Variants in SRGAP1 observed in about 807,000 individuals in gnomAD.
The protein encoded by SRGAP1 is SLIT-ROBO Rho GTPase activating protein 1, also known as SLIT-ROBO Rho GTPase-activating protein 1.
SRGAP1 carries 43 observed loss-of-function variants against 121.9 expected under a neutral mutation model. That is an observed-to-expected ratio of 0.35 (90% CI 0.28 to 0.46). SRGAP1 has a LOEUF of 0.46. SRGAP1 is among the 20% of genes least tolerant of loss of function. The probability of loss-of-function intolerance (pLI) is 1.00; values close to 1 mark genes in which losing one functional copy is unlikely to be tolerated. For missense variants in SRGAP1, 1,102 were observed against 1,350.9 expected, an observed-to-expected ratio of 0.82 and a Z score of 2.89; for synonymous variants, 447 against 485.4, an observed-to-expected ratio of 0.92 and a Z score of 1.04.
At chr12:63,968,766 C>T (rs1033029114) in intron 1 of SRGAP1, among the ~76,000 whole-genome samples, 6 of 152,194 alleles carry the variant, frequency 3.9e-5, no homozygotes, top group Non-Finnish European at 5.9e-5. Flanking sequence ...ATGTATTCAT[C>T]CTGTGCTGTG....
chr12:63,920,459 C>A (rs576326077), intron 1 of SRGAP1, among the ~76,000 whole-genome samples: 1 of 152,194 alleles, frequency 6.6e-6, no homozygotes, highest in East Asian at 1.9e-4. Context: ...GGCTAGTTCT[C>A]CTAGAACCTG....
chr12:63,922,533 T>C (rs930640457), intron 1 of SRGAP1, among the ~76,000 whole-genome samples: 1 of 152,222 alleles, frequency 6.6e-6, no homozygotes, highest in African/African-American at 2.4e-5. Context: ...AAAGTCTTAG[T>C]TCTTTACCAT....
intron 1 of SRGAP1, among the ~76,000 whole-genome samples, chr12:63,948,566 T>C (rs1278570633): frequency 2.0e-5 from 3 of 152,066 alleles, no homozygotes; most frequent in Non-Finnish European, 4.4e-5. Flanking sequence ...CACTTAATGT[T>C]ATTTTTTCTG....
chr12:63,976,842 T>C (rs1266943409), intron 1 of SRGAP1, among the ~76,000 whole-genome samples: 1 of 152,032 alleles, frequency 6.6e-6, no homozygotes, highest in Non-Finnish European at 1.5e-5. Flanking sequence ...CCTAACCTAG[T>C]CTGGGTCCTT....
At chr12:64,109,326 A>G (rs1230778198) in intron 16 of SRGAP1, among the ~76,000 whole-genome samples, 2 of 152,144 alleles carry the variant, frequency 1.3e-5, no homozygotes, top group Non-Finnish European at 2.9e-5. Context: ...AGTGTTTTTC[A>G]GACTTTCATC....
chr12:63,859,534 C>T (rs1283338035), intron 1 of SRGAP1, among the ~76,000 whole-genome samples: 3 of 152,104 alleles, frequency 2.0e-5, no homozygotes, highest in East Asian at 1.9e-4. Context: ...TTACTATCAT[C>T]GTTTTCATTT....
chr12:63,970,801 C>G (rs2032924484), intron 1 of SRGAP1, among the ~76,000 whole-genome samples: 1 of 152,098 alleles, frequency 6.6e-6, no homozygotes, highest in African/African-American at 2.4e-5. Context: ...CAGGAAATGT[C>G]ATTTCCTGAT....
intron 1 of SRGAP1, among the ~76,000 whole-genome samples, chr12:63,910,959 C>T (rs2030464126): frequency 6.6e-6 from 1 of 151,980 alleles, no homozygotes; most frequent in Non-Finnish European, 1.5e-5. Context: ...AAGGAATAGT[C>T]TCAGAAACAA....
chr12:64,147,923 G>A lies in SRGAP1; in HGVS notation c.*5251G>A. On this transcript the variant is annotated 3_prime_UTR_variant, in exon 22 of 22. Transcript: ENST00000355086. ...ATCACTACTTTCTCCTTGACAGCTA[G>A]CTTGCATTAAATAATGTGAAACTTT... The A allele has an allele frequency of 2.7e-6, 1 of 367,526 alleles. No homozygotes were observed. 22.8% of individuals were successfully genotyped at this position (367,526 alleles called of 1,614,324 possible). A position where few individuals can be genotyped will look rare whatever the true frequency, so the allele number is the denominator to read the frequency against.
chr12:64,139,191 T>C (rs2036917152), intron 21 of SRGAP1, among the ~76,000 whole-genome samples: 1 of 152,190 alleles, frequency 6.6e-6, no homozygotes, highest in Admixed American at 6.5e-5. Context: ...GCAGCCTTGT[T>C]ATTGTGACAT....
At chr12:64,069,552 T>C (rs923513583) in intron 8 of SRGAP1, among the ~76,000 whole-genome samples, 3 of 152,250 alleles carry the variant, frequency 2.0e-5, no homozygotes, top group Non-Finnish European at 2.9e-5. Context: ...GTTGTGCATA[T>C]GGAATTAGAG....
Position 64,154,753 on chromosome 12 carries a change from AG to A in SRGAP1, c.*12083del, listed in dbSNP as rs1466474094. The A allele has an allele frequency of 6.6e-6, 1 of 152,226 alleles. No individual in the cohort carries two copies. Among genetic ancestry groups the A allele is most frequent in the Non-Finnish European group, 1.5e-5 (1 of 68,108 alleles). The allele number at this position is 152,226 out of a possible 1,614,324, so 9.4% of individuals were successfully genotyped here. A position where few individuals can be genotyped will look rare whatever the true frequency, so the allele number is the denominator to read the frequency against. ...GCTCAGGGGAGGATTTCTGGCCAGA[AG>A]GTGTAAATTTGATATTTAAAGCTAT... On this transcript the variant is annotated 3_prime_UTR_variant, in exon 22 of 22. Transcript: ENST00000355086.
intron 5 of SRGAP1, 86 bp from the exon 6 acceptor site, chr12:64,043,361 G>T: frequency 1.5e-6 from 2 of 1,315,736 alleles, no homozygotes; most frequent in Non-Finnish European, 2.1e-6. Flanking sequence ...AATTGTTAAG[G>T]TTAATAAAAA....
chr12:63,915,440 G>A (rs1294464666), intron 1 of SRGAP1, among the ~76,000 whole-genome samples: 1 of 152,150 alleles, frequency 6.6e-6, no homozygotes, highest in Non-Finnish European at 1.5e-5. Context: ...AAGAATGGGG[G>A]CATTCTATTT....
chr12:63,869,286 A>G (rs1364966774), intron 1 of SRGAP1, among the ~76,000 whole-genome samples: 1 of 152,182 alleles, frequency 6.6e-6, no homozygotes, highest in African/African-American at 2.4e-5. Flanking sequence ...GGCCAAATGT[A>G]TCTTTTATAA....
At chr12:63,866,202 G>A (rs1325578087) in intron 1 of SRGAP1, among the ~76,000 whole-genome samples, 1 of 152,138 alleles carries the variant, frequency 6.6e-6, no homozygotes, top group Non-Finnish European at 1.5e-5. Context: ...GATCAGCTTC[G>A]ATGATTGCTC....
intron 1 of SRGAP1, among the ~76,000 whole-genome samples, chr12:63,885,705 GAAAA>G (rs1285070912): frequency 5.3e-5 from 8 of 152,172 alleles, no homozygotes; most frequent in African/African-American, 1.9e-4. Flanking sequence ...GCAAGTAGAA[GAAAA>G]ACAGGAGAAG....
chr12:63,942,664 C>G (rs554470749), intron 1 of SRGAP1, among the ~76,000 whole-genome samples: 1 of 152,312 alleles, frequency 6.6e-6, no homozygotes, highest in Admixed American at 6.5e-5. Context: ...ACACTTGCCA[C>G]TTAGTGAGTC....
At chr12:63,881,301 C>T (rs1379919757) in intron 1 of SRGAP1, among the ~76,000 whole-genome samples, 1 of 152,198 alleles carries the variant, frequency 6.6e-6, no homozygotes, top group Non-Finnish European at 1.5e-5. Context: ...TGTACACAGA[C>T]TAACATCACT....
Sources: gnomAD v4.1 joint callset for allele counts (sites outside exome capture counted in the v4.1 genomes callset) on GRCh38, gnomAD v4.1.1 for gene constraint, MANE v1.5 for transcripts, NCBI Gene and HGNC (gene_info 2026-07-23, HGNC 2026-07-21) for gene names.